The following GORAB variants were observed in gnomAD, a reference collection of about 807,000 sequenced individuals.
GORAB encodes golgin, RAB6 interacting, also known as RAB6-interacting golgin.
A neutral mutation model predicts 29.9 loss-of-function variants in GORAB; 17 were observed. That is an observed-to-expected ratio of 0.57 (90% confidence interval 0.39 to 0.85). GORAB has a LOEUF of 0.85. Among genes scored for constraint, GORAB ranks in the 40% least tolerant of loss-of-function variants. GORAB has a pLI of 0.00. For synonymous variants in GORAB, 183 were observed against 157.2 expected (o/e 1.16, Z -1.23); for missense variants, 442 against 437.8 (o/e 1.01, Z -0.09).
intron 1 of GORAB, among the ~76,000 whole-genome samples, chr1:170,533,022 ACTT>A (rs1216536861): frequency 6.6e-6 from 1 of 152,116 alleles, no homozygotes; most frequent in African/African-American, 2.4e-5. Flanking sequence ...TTGGTGGAAA[ACTT>A]AGTAATATTA....
intron 3 of GORAB, 165 bp from the exon 4 acceptor site, chr1:170,544,540 A>G (rs2101827156): frequency 3.7e-6 from 2 of 544,110 alleles, no homozygotes; most frequent in Non-Finnish European, 3.1e-6. Context: ...AAAAACTCAA[A>G]TGTTAACCAG....
intron 4 of GORAB, among the ~76,000 whole-genome samples, chr1:170,546,316 G>C (rs1649759629): frequency 6.6e-6 from 1 of 152,046 alleles, no homozygotes; most frequent in Non-Finnish European, 1.5e-5. Context: ...CGTGAACCTG[G>C]GAGGCGGATC....
chr1:170,552,148 A>C lies in GORAB; in HGVS notation c.796A>C (p.Lys266Gln), dbSNP rs753696843. ...IQQNELRKAK[K>Q]LEELMQQLDV... ...GCAAAATGAGCTCCGAAAGGCCAAG[A>C]AGTTGGAGGAGTTGATGCAACAACT... Residue 266 changes from lysine (K) to glutamine (Q), a missense_variant, in exon 5 of 5, where the codon AAG (lysine) becomes CAG (glutamine). Lys to Gln is a moderately conservative substitution (Grantham distance 53, BLOSUM62 1). Coordinates refer to ENST00000367763, the MANE Select transcript of GORAB (RefSeq NM_152281.3). 9.3e-6 allele frequency: 15 copies of C among 1,613,982 alleles called. No individual in the cohort carries two copies. In the Admixed American group the frequency reaches 2.5e-4, roughly 27 times the overall value.
chr1:170,542,041 T>A (rs745420140), intron 2 of GORAB, among the ~76,000 whole-genome samples: 1 of 152,212 alleles, frequency 6.6e-6, no homozygotes, highest in Non-Finnish European at 1.5e-5. Context: ...AAATAAACAT[T>A]GGTTATTGTC....
intron 2 of GORAB, among the ~76,000 whole-genome samples, chr1:170,541,784 C>T (rs16863410): frequency 0.042 from 6,405 of 152,010 alleles, 350 homozygotes; most frequent in African/African-American, 0.13. Context: ...CCCAGCATTC[C>T]AGTCTTAGCT....
At chr1:170,532,438 G>A (rs1441896504) in intron 1 of GORAB, 154 bp downstream of exon 1, 2 of 815,350 alleles carry the variant, frequency 2.5e-6, no homozygotes, top group Non-Finnish European at 2.0e-6. Flanking sequence ...GGTTTCAGAG[G>A]AGGACTTACT....
chr1:170,539,387 T>C lies in GORAB; in HGVS notation c.239T>C (p.Phe80Ser), dbSNP rs370933035. Residue 80 changes from phenylalanine to serine, a missense_variant, in exon 2 of 5, where the codon TTT (phenylalanine) becomes TCT (serine). Physicochemically the swap from Phe to Ser is radical, Grantham distance 155. Transcript: ENST00000367763. ...KQRVNVQKPP[F>S]SSPTLPSHFT... ...AGAGTTAACGTTCAAAAACCACCTT[T>C]TTCTTCCCCTACTCTTCCGAGTCAT... 1 of 1,614,000 alleles carries C rather than the reference T, an allele frequency of 6.2e-7. No individual in the cohort carries two copies. Among genetic ancestry groups the C allele is most frequent in the African/African-American group, 1.3e-5 (1 of 74,912 alleles).
chr1:170,544,649 T>C, intron 3 of GORAB, 56 bp from the exon 4 acceptor site: 1 of 1,481,282 alleles, frequency 6.8e-7, no homozygotes, highest in East Asian at 2.3e-5. Context: ...ACATTGTATA[T>C]GGACACATGG....
At chr1:170,549,427 G>T (rs113945615) in intron 4 of GORAB, among the ~76,000 whole-genome samples, 10 of 152,204 alleles carry the variant, frequency 6.6e-5, no homozygotes, top group African/African-American at 2.4e-4. Context: ...ATTTATCCAG[G>T]GTGATAGATC....
intron 1 of GORAB, among the ~76,000 whole-genome samples, chr1:170,537,525 C>T (rs746865885): frequency 2.4e-4 from 37 of 152,050 alleles, no homozygotes; most frequent in South Asian, 4.1e-4. Flanking sequence ...GCCCCTACAG[C>T]GTAATCTAGA....
intron 1 of GORAB, among the ~76,000 whole-genome samples, chr1:170,537,409 G>A (rs1244325489): frequency 6.6e-6 from 1 of 152,106 alleles, no homozygotes; most frequent in Non-Finnish European, 1.5e-5. Context: ...TGTACAGTCA[G>A]CCTAGAGCCT....
rs1414944914 is a variant in GORAB at position 170,552,741 on chromosome 1, T to C, written c.*279T>C. 2.0e-6 allele frequency: 1 copy of C among 503,564 alleles called. No homozygotes were observed. The allele number at this position is 503,564 out of a possible 1,614,324, so 31.2% of individuals were successfully genotyped here. On this transcript the variant is annotated 3_prime_UTR_variant, in exon 5 of 5. Transcript: ENST00000367763. ...TGACTTAAAAGGATGGAAGAAAAAC[T>C]ACATGGTTGGAGTGTTTTTAGATCA...
At chr1:170,541,981 CTT>C (rs2101824294) in intron 2 of GORAB, among the ~76,000 whole-genome samples, 1 of 151,968 alleles carries the variant, frequency 6.6e-6, no homozygotes, top group Admixed American at 6.6e-5. Flanking sequence ...AAAAAAAAGT[CTT>C]AAGAGTTGGG....
intron 4 of GORAB, among the ~76,000 whole-genome samples, chr1:170,548,042 C>T (rs574264114): frequency 3.4e-4 from 52 of 152,310 alleles, no homozygotes; most frequent in Admixed American, 2.8e-3. Flanking sequence ...CTAAGACTAC[C>T]ATAAGAAGTA....
chr1:170,535,818 G>A (rs1649026234), intron 1 of GORAB, among the ~76,000 whole-genome samples: 1 of 151,952 alleles, frequency 6.6e-6, no homozygotes. Context: ...GCCTCCCAAA[G>A]TGCTGAGATT....
intron 4 of GORAB, among the ~76,000 whole-genome samples, chr1:170,546,198 G>A (rs916825399): frequency 5.3e-5 from 8 of 152,080 alleles, no homozygotes; most frequent in African/African-American, 1.9e-4. Flanking sequence ...AGACCATCCT[G>A]GCTAACACGG....
chr1:170,546,851 T>C (rs747513810), intron 4 of GORAB, among the ~76,000 whole-genome samples: 1 of 151,936 alleles, frequency 6.6e-6, no homozygotes, highest in Non-Finnish European at 1.5e-5. Context: ...ACCTGGCTAA[T>C]TTTTTGTATT....
chr1:170,552,141 G>T lies in GORAB; in HGVS notation c.789G>T (p.Lys263Asn), dbSNP rs1168959724. 1.2e-6 allele frequency: 2 copies of T among 1,613,992 alleles called. No homozygotes were observed. Among genetic ancestry groups the T allele is most frequent in the African/African-American group, 2.7e-5 (2 of 74,924 alleles). The change falls in exon 5 of 5, where the codon AAG becomes AAT. Residue 263 changes from lysine (K) to asparagine (N), a missense_variant. Transcript: ENST00000367763. ...TCATACAGCAAAATGAGCTCCGAAAGGCCAAGAAGTTGGAGGAGTTGATGC... is the reference window on the plus strand; with the variant it reads ...TCATACAGCAAAATGAGCTCCGAAATGCCAAGAAGTTGGAGGAGTTGATGC... ...CTIIQQNELR[K>N]AKKLEELMQQ...
chr1:170,533,757 A>G, intron 1 of GORAB: 1 of 319,362 alleles, frequency 3.1e-6, no homozygotes, highest in Non-Finnish European at 6.6e-6. Flanking sequence ...GATGGTGAGG[A>G]CCTGAACTTC....
Sources: gnomAD v4.1 joint callset for allele counts (sites outside exome capture counted in the v4.1 genomes callset) on GRCh38, gnomAD v4.1.1 for gene constraint, MANE v1.5 for transcripts, NCBI Gene and HGNC (gene_info 2026-07-23, HGNC 2026-07-21) for gene names.